The following TRHDE variants were observed in gnomAD, a reference collection of about 807,000 sequenced individuals.
TRHDE encodes thyrotropin-releasing hormone-degrading ectoenzyme.
A neutral mutation model predicts 125.7 loss-of-function variants in TRHDE; 72 were observed. The observed-to-expected ratio is 0.57, with a 90% CI of 0.47 to 0.70. TRHDE has a LOEUF of 0.70. TRHDE is among the 30% of genes least tolerant of loss of function. The pLI is 0.00. For missense variants in TRHDE, 1,110 were observed against 1,327.1 expected (o/e 0.84, Z 2.54); for synonymous variants, 509 against 509.1 (o/e 1.00, Z 0.00).
rs1002801575 is a variant in TRHDE at position 72,604,641 on chromosome 12, T to A, written c.2322-14250T>A. On this transcript the variant is annotated intron_variant, in intron 12 of 18. Transcript: ENST00000261180. ...ATAAAATATTCTTAAACTAATATAA[T>A]TCTTATTTTGTCACTTTATTTTGCA... Among the ~76,000 whole-genome samples the A allele has an allele frequency of 3.3e-5, 5 of 152,078 alleles. No homozygotes were observed. The East Asian group carries it at 9.6e-4, about 29-fold the overall frequency.
chr12:72,203,297 T>TA (rs1158890285), intron 2 of TRHDE, among the ~76,000 whole-genome samples: 1 of 151,902 alleles, frequency 6.6e-6, no homozygotes, highest in Non-Finnish European at 1.5e-5. Context: ...CCGTCTCTAC[T>TA]AAAAAATCAA....
chr12:72,308,359 C>T (rs1433546025), intron 2 of TRHDE, among the ~76,000 whole-genome samples: 4 of 152,092 alleles, frequency 2.6e-5, no homozygotes, highest in African/African-American at 9.7e-5. Flanking sequence ...TTCATTTTTA[C>T]ATCAGTGGAT....
intron 12 of TRHDE, among the ~76,000 whole-genome samples, chr12:72,585,206 G>GATC (rs1871389613): frequency 1.3e-5 from 2 of 151,946 alleles, no homozygotes; most frequent in South Asian, 4.2e-4. Flanking sequence ...TTTATATGTT[G>GATC]ATCATTTCTG....
intron 1 of TRHDE, chr12:72,274,422 T>C (rs1879403511): frequency 6.6e-6 from 1 of 152,230 alleles, no homozygotes; most frequent in African/African-American, 2.4e-5. Flanking sequence ...TTTTCACCAC[T>C]TGTTTAGAGC....
chr12:72,259,790 C>T (rs939521495), intron 2 of TRHDE, among the ~76,000 whole-genome samples: 4 of 152,152 alleles, frequency 2.6e-5, no homozygotes, highest in Non-Finnish European at 5.9e-5. Context: ...CATCAAACTG[C>T]CTTCATGCCC....
At chr12:72,525,060 A>G (rs972579164) in intron 6 of TRHDE, among the ~76,000 whole-genome samples, 12 of 152,106 alleles carry the variant, frequency 7.9e-5, no homozygotes, top group African/African-American at 2.9e-4. Context: ...TCAATGATGC[A>G]TTTATCCATC....
intron 2 of TRHDE, among the ~76,000 whole-genome samples, chr12:72,240,479 A>G (rs1375151208): frequency 6.6e-6 from 1 of 152,002 alleles, no homozygotes; most frequent in African/African-American, 2.4e-5. Context: ...AATAACGATC[A>G]GATAGTTCCA....
intron 5 of TRHDE, among the ~76,000 whole-genome samples, chr12:72,491,844 A>T (rs1221258641): frequency 6.6e-6 from 1 of 152,008 alleles, no homozygotes; most frequent in Non-Finnish European, 1.5e-5. Context: ...TGAAAGAAAT[A>T]ACATATGGAA....
chr12:72,519,053 A>G (rs980878811), intron 6 of TRHDE, among the ~76,000 whole-genome samples: 3 of 152,278 alleles, frequency 2.0e-5, no homozygotes, highest in African/African-American at 7.2e-5. Context: ...GGGTAACCCA[A>G]CCTTTCCCTC....
chr12:72,398,690 A>T (rs1872909423), intron 3 of TRHDE, among the ~76,000 whole-genome samples: 2 of 152,230 alleles, frequency 1.3e-5, no homozygotes, highest in African/African-American at 4.8e-5. Flanking sequence ...AGTCAGCAGA[A>T]CAGCATTTTT....
intron 3 of TRHDE, among the ~76,000 whole-genome samples, chr12:72,383,445 C>T (rs747783697): frequency 1.9e-4 from 25 of 133,926 alleles, no homozygotes; most frequent in Non-Finnish European, 3.7e-4. Flanking sequence ...GGTGTGATCT[C>T]GGCTGACTGC....
Position 72,663,222 on chromosome 12 carries a change from C to A in TRHDE, c.*27C>A. On this transcript the variant is annotated 3_prime_UTR_variant, in exon 19 of 19. Coordinates refer to ENST00000261180, the MANE Select transcript of TRHDE (RefSeq NM_013381.3). Reference sequence around the variant, plus strand: ...ATATGTATCTTATAAACAAACAATTCAACTCAGAAGTTTATGAGAAGACAC... The same window carrying A: ...ATATGTATCTTATAAACAAACAATTAAACTCAGAAGTTTATGAGAAGACAC... The A allele has an allele frequency of 1.3e-6, 2 of 1,540,398 alleles. No homozygotes were observed. Among genetic ancestry groups the A allele is most frequent in the South Asian group, 1.3e-5 (1 of 79,402 alleles).
At chr12:72,363,203 A>G (rs1185308714) in intron 2 of TRHDE, among the ~76,000 whole-genome samples, 1 of 151,886 alleles carries the variant, frequency 6.6e-6, no homozygotes, top group Non-Finnish European at 1.5e-5. Context: ...ACGAGGAGGA[A>G]CTGGTACCAT....
intron 9 of TRHDE, among the ~76,000 whole-genome samples, chr12:72,566,386 G>C (rs551223739): frequency 6.6e-6 from 1 of 151,436 alleles, no homozygotes; most frequent in Non-Finnish European, 1.5e-5. Context: ...ATAACTATAA[G>C]GTTTATAGTT....
At chr12:72,491,479 G>T (rs886409961) in intron 5 of TRHDE, among the ~76,000 whole-genome samples, 2 of 151,798 alleles carry the variant, frequency 1.3e-5, no homozygotes, top group African/African-American at 4.8e-5. Context: ...TAATAATTTG[G>T]TTGTATATCA....
At chr12:72,485,552 G>T (rs989776833) in intron 5 of TRHDE, among the ~76,000 whole-genome samples, 1 of 151,940 alleles carries the variant, frequency 6.6e-6, no homozygotes, top group Non-Finnish European at 1.5e-5. Flanking sequence ...GGGACATCAG[G>T]GGCCTCTGCC....
chr12:72,669,902 C>T lies in TRHDE; in HGVS notation c.*6707C>T, dbSNP rs531825311. 313 of 151,436 alleles carry T rather than the reference C, an allele frequency of 2.1e-3. 2 individuals carry two copies. Among genetic ancestry groups the T allele is most frequent in the African/African-American group, 7.0e-3 (290 of 41,368 alleles). 9.4% of individuals were successfully genotyped at this position (151,436 alleles called of 1,614,324 possible). A position where few individuals can be genotyped will look rare whatever the true frequency, so the allele number is the denominator to read the frequency against. Reference sequence around the variant, plus strand: ...TAATCCCTTTGCATTTTGATAATATCGAAAACAGATTAGGGCTGAAAAACT... The same window carrying T: ...TAATCCCTTTGCATTTTGATAATATTGAAAACAGATTAGGGCTGAAAAACT... On this transcript the variant is annotated 3_prime_UTR_variant, in exon 19 of 19. Transcript: ENST00000261180.
intron 3 of TRHDE, among the ~76,000 whole-genome samples, chr12:72,411,622 T>C (rs1873513050): frequency 6.6e-6 from 1 of 152,152 alleles, no homozygotes; most frequent in Non-Finnish European, 1.5e-5. Flanking sequence ...GCAGGCTCTT[T>C]TGTTCAATTC....
intron 2 of TRHDE, among the ~76,000 whole-genome samples, chr12:72,158,697 C>T (rs1420945175): frequency 6.6e-6 from 1 of 152,080 alleles, no homozygotes; most frequent in African/African-American, 2.4e-5. Context: ...GTCAGGTTTT[C>T]TTTCAGAATT....
Sources: allele counts gnomAD v4.1 joint callset (sites outside exome capture counted in the v4.1 genomes callset), GRCh38; gene constraint gnomAD v4.1.1; transcripts MANE v1.5; gene names NCBI Gene and HGNC (gene_info 2026-07-23, HGNC 2026-07-21).